LRP1B: variants seen among roughly 807,000 people sequenced by gnomAD.
The protein encoded by LRP1B is LDL receptor related protein 1B.
In LRP1B, 217 loss-of-function variants were observed where a neutral mutation model predicts 556.6. That is an observed-to-expected ratio of 0.39 (90% CI 0.35 to 0.44). The LOEUF is 0.44. LRP1B is among the 20% of genes least tolerant of loss of function. LRP1B has a pLI of 1.00. For synonymous variants in LRP1B, 2,047 were observed against 1,865.8 expected, an observed-to-expected ratio of 1.10 and a Z score of -2.50; for missense variants, 5,053 against 5,620.8, an observed-to-expected ratio of 0.90 and a Z score of 3.23.
intron 3 of LRP1B, among the ~76,000 whole-genome samples, chr2:141,479,223 T>G (rs1424658454): frequency 6.6e-6 from 1 of 152,214 alleles, no homozygotes; most frequent in Admixed American, 6.5e-5. Context: ...ATTTATGGTC[T>G]TGAATTCAGC....
At chr2:140,320,268 T>C (rs1303599688) in intron 82 of LRP1B, among the ~76,000 whole-genome samples, 1 of 151,380 alleles carries the variant, frequency 6.6e-6, no homozygotes, top group East Asian at 1.9e-4. Context: ...ATCTTATTCA[T>C]CAATTCATCT....
intron 1 of LRP1B, among the ~76,000 whole-genome samples, chr2:142,092,630 T>TTGTG (rs562830502): frequency 4.1e-4 from 55 of 134,250 alleles, no homozygotes; most frequent in East Asian, 2.7e-3. Flanking sequence ...GTAAGGAGAT[T>TTGTG]TGTGTGTGTG....
chr2:142,127,318 T>C (rs13429243), intron 1 of LRP1B, among the ~76,000 whole-genome samples: 5,961 of 151,914 alleles, frequency 0.039, 168 homozygotes, highest in South Asian at 0.095. Flanking sequence ...TGTCTAAAGA[T>C]ATTTTAACCT....
At chr2:142,058,610 G>A (rs1238380397) in intron 1 of LRP1B, among the ~76,000 whole-genome samples, 2 of 152,024 alleles carry the variant, frequency 1.3e-5, no homozygotes, top group Non-Finnish European at 2.9e-5. Context: ...TGTGGCCCAA[G>A]ACAATTTTTC....
intron 49 of LRP1B, among the ~76,000 whole-genome samples, chr2:140,518,173 G>A (rs571475735): frequency 3.3e-5 from 5 of 152,178 alleles, no homozygotes; most frequent in African/African-American, 9.6e-5. Flanking sequence ...AAAATTGTAG[G>A]CATTTTATTT....
At chr2:141,659,947 A>G (rs753229979) in intron 2 of LRP1B, among the ~76,000 whole-genome samples, 1 of 152,140 alleles carries the variant, frequency 6.6e-6, no homozygotes, top group Non-Finnish European at 1.5e-5. Flanking sequence ...TTAAGGGGTA[A>G]AGGCATAGAA....
chr2:141,773,067 A>G (rs1432580343), intron 2 of LRP1B, among the ~76,000 whole-genome samples: 2 of 152,114 alleles, frequency 1.3e-5, no homozygotes, highest in Non-Finnish European at 2.9e-5. Flanking sequence ...AATAGTTAAG[A>G]TTTTTCCCCA....
intron 66 of LRP1B, among the ~76,000 whole-genome samples, chr2:140,423,149 G>T (rs1421698191): frequency 4.6e-5 from 7 of 152,126 alleles, no homozygotes; most frequent in Non-Finnish European, 1.0e-4. Flanking sequence ...AGTAGCTCTT[G>T]GATGATGGTC....
At chr2:141,693,079 T>C (rs1291043265) in intron 2 of LRP1B, among the ~76,000 whole-genome samples, 2 of 152,090 alleles carry the variant, frequency 1.3e-5, no homozygotes, top group Non-Finnish European at 2.9e-5. Context: ...TTTGCCACTA[T>C]GCAGGTCACG....
At chr2:141,336,665 T>A (rs1448647828) in intron 3 of LRP1B, among the ~76,000 whole-genome samples, 1 of 152,222 alleles carries the variant, frequency 6.6e-6, no homozygotes, top group Non-Finnish European at 1.5e-5. Context: ...GGATAGAGAA[T>A]AATTACATCA....
At chr2:140,621,030 T>C (rs1355746951) in intron 41 of LRP1B, among the ~76,000 whole-genome samples, 1 of 152,134 alleles carries the variant, frequency 6.6e-6, no homozygotes, top group African/African-American at 2.4e-5. Flanking sequence ...ATTTTAAAAT[T>C]AAAGTGCATA....
chr2:141,332,636 A>G (rs1448716623), intron 3 of LRP1B, among the ~76,000 whole-genome samples: 1 of 151,326 alleles, frequency 6.6e-6, no homozygotes, highest in African/African-American at 2.4e-5. Context: ...TTTCTTGAAA[A>G]TGGATGGGTC....
intron 2 of LRP1B, among the ~76,000 whole-genome samples, chr2:141,749,608 A>G (rs953560186): frequency 2.6e-5 from 4 of 152,168 alleles, no homozygotes; most frequent in Admixed American, 6.6e-5. Context: ...ACATGTTTAT[A>G]TATCTTCAAT....
In LRP1B at chr2:140,444,404, T is replaced by C. The variant is rs778409346; in HGVS notation, c.10220A>G (p.Gln3407Arg). The C allele has an allele frequency of 3.7e-6, 6 of 1,614,054 alleles. No individual in the cohort carries two copies. The highest frequency in any genetic ancestry group is 1.7e-4 in the Middle Eastern group (1 of 6,060). Residue 3407 changes from glutamine to arginine, a missense_variant, in exon 65 of 91, where the codon CAG becomes CGG. Physicochemically the swap from Gln to Arg is conservative, Grantham distance 43. Around this residue, in one of 5 missense-constraint regions of LRP1B, gnomAD observed 262 missense variants for 395.1 expected, o/e 0.66. Transcript: ENST00000389484. ...LSGQFKCTKN[Q>R]KCIPVNLRCN... Reference sequence around the variant, plus strand: ...TCTTAAGTTTACTGGGATACATTTCTGGTTCTTGGTACATTTGAATTGACC... The same window carrying C: ...TCTTAAGTTTACTGGGATACATTTCCGGTTCTTGGTACATTTGAATTGACC...
At chr2:141,327,292 G>A (rs1236170663) in intron 3 of LRP1B, among the ~76,000 whole-genome samples, 1 of 152,168 alleles carries the variant, frequency 6.6e-6, no homozygotes, top group African/African-American at 2.4e-5. Context: ...AAAGTAAAAT[G>A]TAAGGAGCCA....
intron 86 of LRP1B, among the ~76,000 whole-genome samples, chr2:140,252,205 C>T (rs1308919368): frequency 6.8e-6 from 1 of 147,960 alleles, no homozygotes; most frequent in East Asian, 2.0e-4. Context: ...TTTTTTGTAA[C>T]AATAGATAAA....
At chr2:141,404,012 A>G (rs1447428261) in intron 3 of LRP1B, among the ~76,000 whole-genome samples, 1 of 152,216 alleles carries the variant, frequency 6.6e-6, no homozygotes, top group African/African-American at 2.4e-5. Context: ...CTGGATCTCC[A>G]AATCTATGAG....
chr2:142,099,566 C>T (rs561353404), intron 1 of LRP1B, among the ~76,000 whole-genome samples: 3 of 151,832 alleles, frequency 2.0e-5, no homozygotes, highest in South Asian at 2.1e-4. Flanking sequence ...ATATAAAAAT[C>T]GTTCATGCTA....
chr2:140,331,850 C>T (rs1331094079), intron 79 of LRP1B, among the ~76,000 whole-genome samples: 1 of 151,832 alleles, frequency 6.6e-6, no homozygotes, highest in Non-Finnish European at 1.5e-5. Context: ...TACATACCAC[C>T]ATGCCTGGCT....
Sources: gnomAD v4.1 joint callset for allele counts (sites outside exome capture counted in the v4.1 genomes callset) on GRCh38, gnomAD v4.1.1 for gene constraint, gnomAD v4.1.1 regional missense constraint, MANE v1.5 for transcripts, NCBI Gene and HGNC (gene_info 2026-07-23, HGNC 2026-07-21) for gene names.